Variants in ANKLE2 observed in about 807,000 individuals in gnomAD.
The protein encoded by ANKLE2 is ankyrin repeat and LEM domain-containing protein 2.
In ANKLE2, 55 loss-of-function variants were observed where a neutral mutation model predicts 84.2. The ratio of observed to expected loss-of-function variants is 0.65; its 90% confidence interval spans 0.53 to 0.82. The LOEUF (loss-of-function observed/expected upper bound fraction) is 0.82. ANKLE2 is among the 40% of genes least tolerant of loss of function. The probability of loss-of-function intolerance (pLI) is 0.00; values close to 1 mark genes in which losing one functional copy is unlikely to be tolerated. For synonymous variants in ANKLE2, 551 were observed against 486.1 expected (o/e 1.13, Z -1.76); for missense variants, 1,238 against 1,201.9 (o/e 1.03, Z -0.44).
Position 132,736,980 on chromosome 12 carries a change from C to G in ANKLE2, c.1506G>C (p.Glu502Asp). 6.2e-7 allele frequency: 1 copy of G among 1,613,892 alleles called. No individual in the cohort carries two copies. The highest frequency in any genetic ancestry group is 8.5e-7 in the Non-Finnish European group (1 of 1,179,902). ...CTCCATAGCGGCTGACGTGAGAGGC[C>G]TCAGCCGTCTGGTCTGGGGACCACA... ...GELWSPDQTAEASHVSRYGGS... is the reference protein window; with the variant it reads ...GELWSPDQTADASHVSRYGGS... Residue 502 changes from glutamate (E) to aspartate (D), a missense_variant, in exon 8 of 13, where the codon GAG becomes GAC. By Grantham distance (45) the Glu-to-Asp change is conservative. Coordinates refer to ENST00000357997, the MANE Select transcript of ANKLE2 (RefSeq NM_015114.3).
At chr12:132,760,231 G>A (rs982444195) in intron 1 of ANKLE2, 4 of 151,576 alleles carry the variant, frequency 2.6e-5, no homozygotes, top group African/African-American at 4.9e-5. Flanking sequence ...TCTCCGCAGT[G>A]ACTAACAGTC....
Position 132,761,678 on chromosome 12 carries a change from C to A in ANKLE2, c.121G>T (p.Gly41Cys). ...LVRRLGPRPG[G>C]LGRSGTPVPP... ...ACTGGGGTCCCGCTGCGGCCCAGAC[C>A]TCCCGGCCGCGGGCCCAGCCGCCGC... is the stretch of plus-strand genomic sequence containing the variant. The change falls in exon 1 of 13, where the codon GGT becomes TGT. Residue 41 changes from glycine (G) to cysteine (C), a missense_variant. Gly to Cys is a radical substitution (Grantham distance 159, BLOSUM62 -3). Coordinates refer to ENST00000357997, the MANE Select transcript of ANKLE2 (RefSeq NM_015114.3). The A allele has an allele frequency of 7.4e-7, 1 of 1,342,454 alleles. No individual in the cohort carries two copies. Among genetic ancestry groups the A allele is most frequent in the South Asian group, 1.8e-5 (1 of 56,384 alleles). 83.2% of individuals were successfully genotyped at this position (1,342,454 alleles called of 1,614,324 possible). A position where few individuals can be genotyped will look rare whatever the true frequency, so the allele number is the denominator to read the frequency against.
chr12:132,754,172 G>A (rs928478998), intron 2 of ANKLE2, among the ~76,000 whole-genome samples: 3 of 152,186 alleles, frequency 2.0e-5, no homozygotes, highest in Non-Finnish European at 2.9e-5. Context: ...AACTGGGAGG[G>A]GAGAGGTTGC....
chr12:132,737,052 C>A lies in ANKLE2; in HGVS notation c.1434G>T (p.Val478=). 1 of 1,601,468 alleles carries A rather than the reference C, an allele frequency of 6.2e-7. No homozygotes were observed. Among genetic ancestry groups the A allele is most frequent in the South Asian group, 1.1e-5 (1 of 90,398 alleles). The change falls in exon 8 of 13, where the codon GTG becomes GTT. Residue 478 remains valine (V), a synonymous_variant. Transcript: ENST00000357997. ...AAGTCTCTTCCGCTCTCAGGAGGGG[C>A]ACGTAGTAGTGGCCTGAGGGAGGAG... ...IREYLKGHYY[V]PLLRAEETSS... is the part of the protein sequence containing the mutation.
In ANKLE2 at chr12:132,727,315, G is replaced by T. The variant is rs1056547024; in HGVS notation, c.2744C>A (p.Pro915His). The T allele has an allele frequency of 2.6e-6, 4 of 1,563,478 alleles. No homozygotes were observed. The African/African-American group carries it at 5.4e-5, about 21-fold the overall frequency. The change falls in exon 13 of 13, where the codon CCT becomes CAT. Residue 915 changes from proline (P) to histidine (H), a missense_variant. By Grantham distance (77) the Pro-to-His change is moderately conservative. Transcript: ENST00000357997. ...SNPAKPGLGSPGRYSPVHGSQ... is the reference protein window; with the variant it reads ...SNPAKPGLGSHGRYSPVHGSQ... ...CCCGTGCACGGGGCTGTAGCGCCCA[G>T]GACTGCCCAGGCCTGGCTTTGCGGG...
intron 1 of ANKLE2, chr12:132,759,050 G>A (rs2044549071): frequency 7.3e-6 from 1 of 136,370 alleles, no homozygotes; most frequent in African/African-American, 2.9e-5. Context: ...GCACCCCGGG[G>A]CACCCACGTG....
chr12:132,744,722 C>T (rs1240746554), intron 5 of ANKLE2, among the ~76,000 whole-genome samples: 2 of 152,142 alleles, frequency 1.3e-5, no homozygotes, highest in Non-Finnish European at 2.9e-5. Context: ...ACTCTGTCGC[C>T]CAGGCTGGAG....
chr12:132,746,176 A>G (rs955611294), intron 5 of ANKLE2, among the ~76,000 whole-genome samples: 11 of 152,018 alleles, frequency 7.2e-5, no homozygotes, highest in Non-Finnish European at 1.2e-4. Context: ...GTGAAACCCC[A>G]TCTCTACTAA....
At chr12:132,733,413 G>A (rs1288864598) in intron 10 of ANKLE2, among the ~76,000 whole-genome samples, 4 of 147,724 alleles carry the variant, frequency 2.7e-5, no homozygotes, top group Non-Finnish European at 5.9e-5. Flanking sequence ...TCTGCGTCCT[G>A]GTGTCTGATA....
chr12:132,751,573 C>T (rs2044358144), intron 2 of ANKLE2, among the ~76,000 whole-genome samples: 1 of 150,414 alleles, frequency 6.6e-6, no homozygotes, highest in African/African-American at 2.5e-5. Flanking sequence ...CATGGAGTCT[C>T]ACTCAGCTGC....
intron 11 of ANKLE2, among the ~76,000 whole-genome samples, chr12:132,729,268 T>C (rs2043773692): frequency 7.0e-6 from 1 of 143,212 alleles, no homozygotes; most frequent in Non-Finnish European, 1.5e-5. Context: ...GGAGAATTGG[T>C]TGAACCTGGG....
At chr12:132,730,394 C>CATCAG in intron 10 of ANKLE2, 124 bp from the exon 11 acceptor site, 1 of 146,150 alleles carries the variant, frequency 6.8e-6, no homozygotes, top group African/African-American at 1.1e-4. Flanking sequence ...AAAACCTCCC[C>CATCAG]ACTCCATCCG....
chr12:132,752,569 C>T (rs1317130148), intron 2 of ANKLE2, among the ~76,000 whole-genome samples: 1 of 152,082 alleles, frequency 6.6e-6, no homozygotes, highest in Non-Finnish European at 1.5e-5. Context: ...CGGGGCTTCA[C>T]CGTGTTAGCC....
chr12:132,755,310 G>A, intron 1 of ANKLE2, 177 bp from the exon 2 acceptor site: 2 of 574,956 alleles, frequency 3.5e-6, no homozygotes. Context: ...TTGGGAGGCT[G>A]AGGCGGGCGG....
rs1271671299 is a variant in ANKLE2 at position 132,734,463 on chromosome 12, G to A, written c.1813C>T (p.Gln605Ter). Reference protein sequence around the residue: ...GLQRLEEYLTQQEIGKKAQQE... With the variant: ...GLQRLEEYLT ...TGAGCCTTTTTGCCTATTTCCTGCTGTGTGAGATATTCTTCTAGTCTTTGC... is the reference window on the plus strand; with the variant it reads ...TGAGCCTTTTTGCCTATTTCCTGCTATGTGAGATATTCTTCTAGTCTTTGC... Residue 605 changes from glutamine to a stop codon, truncating the protein, a stop_gained, in exon 10 of 13, where the codon CAG becomes TAG. Coordinates refer to ENST00000357997, the MANE Select transcript of ANKLE2 (RefSeq NM_015114.3). LOFTEE classifies it high-confidence loss of function. The A allele has an allele frequency of 1.2e-6, 2 of 1,614,036 alleles. No individual in the cohort carries two copies. Among genetic ancestry groups the A allele is most frequent in the Non-Finnish European group, 1.7e-6 (2 of 1,180,034 alleles).
At chr12:132,750,921 G>T in intron 2 of ANKLE2, 72 bp from the exon 3 acceptor site, 2 of 1,380,226 alleles carry the variant, frequency 1.4e-6, no homozygotes, top group Non-Finnish European at 2.0e-6. Flanking sequence ...CATGCCCTGG[G>T]CCTAACCATC....
At chr12:132,759,620 G>C (rs1035912576) in intron 1 of ANKLE2, 1 of 144,312 alleles carries the variant, frequency 6.9e-6, no homozygotes, top group Admixed American at 6.7e-5. Context: ...AAATAAATCA[G>C]TATTTTTTTA....
chr12:132,730,264 T>C lies in ANKLE2; in HGVS notation c.1898A>G (p.Asn633Ser), dbSNP rs368378205. 1.5e-5 allele frequency: 23 copies of C among 1,556,560 alleles called. No homozygotes were observed. The highest frequency in any genetic ancestry group is 1.7e-4 in the Middle Eastern group (1 of 5,780). The change falls in exon 11 of 13, where the codon AAT (asparagine) becomes AGT (serine). Residue 633 changes from asparagine (N) to serine (S), a missense_variant. This residue lies in a region of ANKLE2 where 802 missense variants were observed against 774.5 expected (regional missense o/e 1.04). Coordinates refer to ENST00000357997, the MANE Select transcript of ANKLE2 (RefSeq NM_015114.3). Reference protein sequence around the residue: ...CRDKATTSGSNSISVRAFLDE... With the variant: ...CRDKATTSGSSSISVRAFLDE... ...TAGAAACGCCCTCACGGAAATGGAATTGCTGCCTGTGAGGACAACAAGGAG... is the reference window on the plus strand; with the variant it reads ...TAGAAACGCCCTCACGGAAATGGAACTGCTGCCTGTGAGGACAACAAGGAG...
intron 1 of ANKLE2, chr12:132,759,920 G>A (rs2044587584): frequency 6.6e-6 from 1 of 152,132 alleles, no homozygotes; most frequent in South Asian, 2.1e-4. Context: ...GATCACCTGA[G>A]GTCAGGAATT....
Sources: gnomAD v4.1 joint callset for allele counts (sites outside exome capture counted in the v4.1 genomes callset) on GRCh38, gnomAD v4.1.1 for gene constraint, gnomAD v4.1.1 regional missense constraint, MANE v1.5 for transcripts, NCBI Gene and HGNC (gene_info 2026-07-23, HGNC 2026-07-21) for gene names.